Variants in AVPR1A observed in about 807,000 individuals in gnomAD.
AVPR1A encodes the protein vasopressin V1a receptor.
A neutral mutation model predicts 31.5 loss-of-function variants in AVPR1A; 31 were observed. The observed-to-expected ratio is 0.99, with a 90% confidence interval of 0.74 to 1.33. The LOEUF (loss-of-function observed/expected upper bound fraction) is 1.33, where lower values mean the gene tolerates loss of function less well. AVPR1A is among the 40% of genes most tolerant of loss of function. The pLI, the probability that AVPR1A is intolerant of heterozygous loss-of-function variation, is 0.00. For missense variants in AVPR1A, 570 were observed against 575.2 expected (o/e 0.99, Z 0.09); for synonymous variants, 243 against 233.2 (o/e 1.04, Z -0.38).
At position 63,145,037 on chromosome 12, in the gene AVPR1A, A is replaced by G. The variant is rs952966186; in HGVS notation, c.*2322T>C. On this transcript the variant is annotated 3_prime_UTR_variant, in exon 2 of 2. Transcript: ENST00000299178. ...AATGGGTTCATCTTAGTTCCAAACC[A>G]AAAAGCTTTAGTTTTTGAACTATCA... The G allele has an allele frequency of 6.4e-6, 1 of 156,534 alleles. No homozygotes were observed. Among genetic ancestry groups the G allele is most frequent in the Non-Finnish European group, 1.4e-5 (1 of 70,708 alleles). The allele number at this position is 156,534 out of a possible 1,614,324, so 9.7% of individuals were successfully genotyped here.
rs151327743 is a variant in AVPR1A at position 63,147,635 on chromosome 12, G to C, written c.981C>G (p.Asn327Lys). ...GTAATGCAGTGATGGTGATGGTAGGGTTTTCCGATTCTGCATGAAAAATAT... is the reference window on the plus strand; with the variant it reads ...GTAATGCAGTGATGGTGATGGTAGGCTTTTCCGATTCTGCATGAAAAATAT... ...DPMSVWTESE[N>K]PTITITALLG... Residue 327 changes from asparagine to lysine, a missense_variant, in exon 2 of 2, where the codon AAC becomes AAG. Physicochemically the swap from Asn to Lys is moderately conservative, Grantham distance 94. Coordinates refer to ENST00000299178, the MANE Select transcript of AVPR1A (RefSeq NM_000706.5). The C allele has an allele frequency of 9.9e-6, 16 of 1,609,890 alleles. No homozygotes were observed. The highest frequency in any genetic ancestry group is 1.7e-5 in the Admixed American group (1 of 59,878).
rs546786206 is a variant in AVPR1A, at chr12:63,150,170, C to A, written c.667G>T (p.Gly223Cys). The A allele has an allele frequency of 1.2e-6, 2 of 1,613,976 alleles. No individual in the cohort carries two copies. The highest frequency in any genetic ancestry group is 2.7e-5 in the African/African-American group (2 of 75,058). ...ATGACCACGGGCGCCACAAAGATGC[C>A]GCCCGTCATCCAGGTCACGTAGGCA... The part of the protein sequence containing the change: ...SRAYVTWMTG[G>C]IFVAPVVILG... Residue 223 changes from glycine to cysteine, a missense_variant, in exon 1 of 2, where the codon GGC becomes TGC. Physicochemically the swap from Gly to Cys is radical, Grantham distance 159. Transcript: ENST00000299178. The surrounding 1 kb of genome is among the most constrained non-coding windows in gnomAD (Gnocchi z 4.9).
At position 63,150,678 on chromosome 12, in the gene AVPR1A, C is replaced by A. The variant is rs918328362; in HGVS notation, c.159G>T (p.Leu53=). The part of the protein sequence containing the change: ...RDVRNEELAK[L]EIAVLAVTFA... ...AAGTCACCGCCAGCACGGCGATCTC[C>A]AGTTTGGCCAGCTCCTCGTTGCGCA... The change falls in exon 1 of 2, where the codon CTG becomes CTT. Residue 53 remains leucine, a synonymous_variant. Transcript: ENST00000299178. The surrounding 1 kb of genome is among the most constrained non-coding windows in gnomAD (Gnocchi z 4.9). 4.4e-5 allele frequency: 71 copies of A among 1,608,252 alleles called. No individual in the cohort carries two copies. Among genetic ancestry groups the A allele is most frequent in the Non-Finnish European group, 5.8e-5 (68 of 1,179,866 alleles).
Position 63,147,427 on chromosome 12 carries a change from T to C in AVPR1A, c.1189A>G (p.Ser397Gly), listed in dbSNP as rs1430326572. The C allele has an allele frequency of 1.2e-6, 2 of 1,614,024 alleles. No individual in the cohort carries two copies. Among genetic ancestry groups the C allele is most frequent in the Middle Eastern group, 1.6e-4 (1 of 6,084 alleles). Residue 397 changes from serine to glycine, a missense_variant, in exon 2 of 2, where the codon AGT becomes GGT. By Grantham distance (56) the Ser-to-Gly change is moderately conservative. Transcript: ENST00000299178. ...GGCGAGTCCTTCCACATACCCGTAC[T>C]GTTTGTTGGGCTTCGATTGTTAGAA... Reference protein sequence around the residue: ...FYSNNRSPTNSTGMWKDSPKS... With the variant: ...FYSNNRSPTNGTGMWKDSPKS...
chr12:63,143,818 G>T lies in AVPR1A; in HGVS notation c.*3541C>A, dbSNP rs112553967. The T allele has an allele frequency of 6.6e-6, 1 of 152,112 alleles. No individual in the cohort carries two copies. 9.4% of individuals were successfully genotyped at this position (152,112 alleles called of 1,614,324 possible). A position where few individuals can be genotyped will look rare whatever the true frequency, so the allele number is the denominator to read the frequency against. On this transcript the variant is annotated 3_prime_UTR_variant, in exon 2 of 2. Transcript: ENST00000299178. Reference sequence around the variant, plus strand: ...TAACCATAAGGCTCCAATTAACATGGGTTTGTCTAACCTCTGATATTTGGG... The same window carrying T: ...TAACCATAAGGCTCCAATTAACATGTGTTTGTCTAACCTCTGATATTTGGG...
rs35843930 is a variant in AVPR1A, at chr12:63,145,623, C to CA, written c.*1735dup. On this transcript the variant is annotated 3_prime_UTR_variant, in exon 2 of 2. Transcript: ENST00000299178. ...CTGGCAAAAGAGCAAGACTCTGTTT[C>CA]AAAAAAAAAAAAAGCAACTATTACT... The CA allele has an allele frequency of 0.045, 5,956 of 132,558 alleles. 111 individuals carry two copies. Among genetic ancestry groups the CA allele is most frequent in the African/African-American group, 0.063 (2,118 of 33,810 alleles). The allele number at this position is 132,558 out of a possible 1,614,324, so 8.2% of individuals were successfully genotyped here.
rs565520777 is a variant in AVPR1A at position 63,145,171 on chromosome 12, C to T, written c.*2188G>A. 6.8e-6 allele frequency: 2 copies of T among 295,926 alleles called. No homozygotes were observed. Among genetic ancestry groups the T allele is most frequent in the East Asian group, 8.3e-5 (1 of 12,022 alleles). 18.3% of individuals were successfully genotyped at this position (295,926 alleles called of 1,614,324 possible). ...AGTTATGGCTTATATTGGACAGTAC[C>T]CTTTAAGAGACATATTTGTTATTTT... is the stretch of plus-strand genomic sequence containing the variant. On this transcript the variant is annotated 3_prime_UTR_variant, in exon 2 of 2. Coordinates refer to ENST00000299178, the MANE Select transcript of AVPR1A (RefSeq NM_000706.5).
chr12:63,147,062 C>T lies in AVPR1A; in HGVS notation c.*297G>A. On this transcript the variant is annotated 3_prime_UTR_variant, in exon 2 of 2. Transcript: ENST00000299178. ...TAGAAATGAAAATAAAAGAAACTAA[C>T]AACAAAATATAAAGCTAGGGTGGTT... is the stretch of plus-strand genomic sequence containing the variant. The T allele has an allele frequency of 3.4e-6, 1 of 294,624 alleles. No homozygotes were observed. The highest frequency in any genetic ancestry group is 6.3e-6 in the Non-Finnish European group (1 of 158,264). The allele number at this position is 294,624 out of a possible 1,614,324, so 18.3% of individuals were successfully genotyped here. A position where few individuals can be genotyped will look rare whatever the true frequency, so the allele number is the denominator to read the frequency against.
In AVPR1A at chr12:63,147,619, T is replaced by C. The variant is rs962466503; in HGVS notation, c.997A>G (p.Thr333Ala). 1.2e-6 allele frequency: 2 copies of C among 1,613,400 alleles called. No homozygotes were observed. Among genetic ancestry groups the C allele is most frequent in the East Asian group, 2.2e-5 (1 of 44,860 alleles). Residue 333 changes from threonine (T) to alanine (A), a missense_variant, in exon 2 of 2, where the codon ACT (threonine) becomes GCT (alanine). Thr to Ala is a moderately conservative substitution (Grantham distance 58). Transcript: ENST00000299178. ...CTATTCAAGGAACCCAGTAATGCAGTGATGGTGATGGTAGGGTTTTCCGAT... is the reference window on the plus strand; with the variant it reads ...CTATTCAAGGAACCCAGTAATGCAGCGATGGTGATGGTAGGGTTTTCCGAT... ...TESENPTITI[T>A]ALLGSLNSCC...
Position 63,147,022 on chromosome 12 carries a change from A to G in AVPR1A, c.*337T>C, listed in dbSNP as rs921235338. 2 of 221,422 alleles carry G rather than the reference A, an allele frequency of 9.0e-6. No individual in the cohort carries two copies. Among genetic ancestry groups the G allele is most frequent in the Non-Finnish European group, 1.8e-5 (2 of 111,292 alleles). The allele number at this position is 221,422 out of a possible 1,614,324, so 13.7% of individuals were successfully genotyped here. ...ATTTTATGTGACTTTTAAACCAATC[A>G]AGTCTTACTTATGTTAGAAATGAAA... On this transcript the variant is annotated 3_prime_UTR_variant, in exon 2 of 2. Transcript: ENST00000299178.
At position 63,143,600 on chromosome 12, in the gene AVPR1A, A is replaced by G. The variant is rs188499532; in HGVS notation, c.*3759T>C. ...GGCTGAGGTCCAATTCTAACGGAGAATCATTCTCTAATACTTACTGTCCTA... is the reference window on the plus strand; with the variant it reads ...GGCTGAGGTCCAATTCTAACGGAGAGTCATTCTCTAATACTTACTGTCCTA... On this transcript the variant is annotated 3_prime_UTR_variant, in exon 2 of 2. Coordinates refer to ENST00000299178, the MANE Select transcript of AVPR1A (RefSeq NM_000706.5). 1 of 152,294 alleles carries G rather than the reference A, an allele frequency of 6.6e-6. No homozygotes were observed. The highest frequency in any genetic ancestry group is 1.9e-4 in the East Asian group (1 of 5,180). 9.4% of individuals were successfully genotyped at this position (152,294 alleles called of 1,614,324 possible).
At position 63,143,111 on chromosome 12, in the gene AVPR1A, A is replaced by G. The variant is rs1461987942; in HGVS notation, c.*4248T>C. 1 of 152,090 alleles carries G rather than the reference A, an allele frequency of 6.6e-6. No homozygotes were observed. Among genetic ancestry groups the G allele is most frequent in the Admixed American group, 6.5e-5 (1 of 15,274 alleles). 9.4% of individuals were successfully genotyped at this position (152,090 alleles called of 1,614,324 possible). On this transcript the variant is annotated 3_prime_UTR_variant, in exon 2 of 2. Transcript: ENST00000299178. Reference sequence around the variant, plus strand: ...TCAAGTCAGAAATCCTGTAGTATGAAGACATACCTTCATATGTGAAAATAT... The same window carrying G: ...TCAAGTCAGAAATCCTGTAGTATGAGGACATACCTTCATATGTGAAAATAT...
intron 1 of AVPR1A, among the ~76,000 whole-genome samples, chr12:63,148,898 G>A (rs1039441148): frequency 1.3e-5 from 2 of 152,018 alleles, no homozygotes; most frequent in Admixed American, 1.3e-4. Context: ...GGTAACAACT[G>A]TACCATTGAA....
rs759692282 is a variant in AVPR1A, at chr12:63,150,214, A to G, written c.623T>C (p.Ile208Thr). The change falls in exon 1 of 2, where the codon ATC (isoleucine) becomes ACC (threonine). Residue 208 changes from isoleucine (I) to threonine (T), a missense_variant. By Grantham distance (89) the Ile-to-Thr change is moderately conservative. Transcript: ENST00000299178. The surrounding 1 kb of genome is among the most constrained non-coding windows in gnomAD (Gnocchi z 4.9). ...TKARDCWATF[I>T]QPWGSRAYVT... is the part of the protein sequence containing the mutation. ...GTAGGCACGAGAACCCCAGGGCTGG[A>G]TGAAGGTGGCCCAGCAGTCGCGGGC... is the stretch of plus-strand genomic sequence containing the variant. 3.2e-5 allele frequency: 51 copies of G among 1,613,786 alleles called. No individual in the cohort carries two copies. Among genetic ancestry groups the G allele is most frequent in the Non-Finnish European group, 4.2e-5 (49 of 1,180,034 alleles).
rs192411187 is a variant in AVPR1A at position 63,147,345 on chromosome 12, C to T, written c.*14G>A. 1,785 of 1,606,618 alleles carry T rather than the reference C, an allele frequency of 1.1e-3. 19 individuals are homozygous for T. In the African/African-American group the frequency reaches 0.021, roughly 19 times the overall value. ...AAAGTCAATCACAAGAATCAAGTTG[C>T]ATGAATGCAAGGCTCAAGTTGAAAC... On this transcript the variant is annotated 3_prime_UTR_variant, in exon 2 of 2. Transcript: ENST00000299178.
chr12:63,149,769 TTTTCTCTCTCTCTC>T lies in AVPR1A; in HGVS notation c.970+84_970+97del. On this transcript the variant is annotated intron_variant, in intron 1 of 1. Coordinates refer to ENST00000299178, the MANE Select transcript of AVPR1A (RefSeq NM_000706.5). ...GAAGAAAATTGCTAGATTCTCATTT[TTTTCTCTCTCTCTC>T]TCTCTCTCTCTCTCTCACACACACA... The T allele has an allele frequency of 2.4e-6, 3 of 1,242,736 alleles. No individual in the cohort carries two copies. The South Asian group carries it at 4.8e-5, about 20-fold the overall frequency. The allele number at this position is 1,242,736 out of a possible 1,614,324, so 77.0% of individuals were successfully genotyped here.
In AVPR1A at chr12:63,144,367, T is replaced by A. The variant is rs1868342173; in HGVS notation, c.*2992A>T. On this transcript the variant is annotated 3_prime_UTR_variant, in exon 2 of 2. Coordinates refer to ENST00000299178, the MANE Select transcript of AVPR1A (RefSeq NM_000706.5). The stretch of plus-strand genomic sequence containing the variant: ...ATTTACCATCATCAGTTAATATTCA[T>A]CAAATGCCCAACTGATTAGTTTCTC... The A allele has an allele frequency of 6.6e-6, 1 of 152,330 alleles. No individual in the cohort carries two copies. Among genetic ancestry groups the A allele is most frequent in the Non-Finnish European group, 1.5e-5 (1 of 68,026 alleles). 9.4% of individuals were successfully genotyped at this position (152,330 alleles called of 1,614,324 possible). A position where few individuals can be genotyped will look rare whatever the true frequency, so the allele number is the denominator to read the frequency against.
chr12:63,150,350 GCTGTTGCAGAGT>G lies in AVPR1A; in HGVS notation c.475_486del (p.Thr159_Gln162del). 3.1e-6 allele frequency: 5 copies of G among 1,613,906 alleles called. No homozygotes were observed. Among genetic ancestry groups the G allele is most frequent in the Non-Finnish European group, 4.2e-6 (5 of 1,180,004 alleles). On this transcript the variant is annotated inframe_deletion, in exon 1 of 2. Coordinates refer to ENST00000299178, the MANE Select transcript of AVPR1A (RefSeq NM_000706.5). This position sits in a 1 kb window ranked among gnomAD's most constrained non-coding sequence, Gnocchi z 4.9. ...ATCATGAGGCGCGAGCGGCGCGCGGGCTGTTGCAGAGTCTTGAGCGGGTGGCACACCGCGATG... is the reference window on the plus strand; with the variant it reads ...ATCATGAGGCGCGAGCGGCGCGCGGGCTTGAGCGGGTGGCACACCGCGATG...
Position 63,150,963 on chromosome 12 carries a change from C to A in AVPR1A, c.-127G>T. 2.2e-6 allele frequency: 3 copies of A among 1,365,800 alleles called. No individual in the cohort carries two copies. Among genetic ancestry groups the A allele is most frequent in the Non-Finnish European group, 2.9e-6 (3 of 1,037,782 alleles). 84.6% of individuals were successfully genotyped at this position (1,365,800 alleles called of 1,614,324 possible). On this transcript the variant is annotated 5_prime_UTR_variant, in exon 1 of 2. Coordinates refer to ENST00000299178, the MANE Select transcript of AVPR1A (RefSeq NM_000706.5). This position sits in a 1 kb window ranked among gnomAD's most constrained non-coding sequence, Gnocchi z 4.9. ...GGTCTTTGGCGCGCTCGCAGCTTGCCGGGCTCTGCGATCCCTCCAGTGGGC... is the reference window on the plus strand; with the variant it reads ...GGTCTTTGGCGCGCTCGCAGCTTGCAGGGCTCTGCGATCCCTCCAGTGGGC...
Sources: gnomAD v4.1 joint callset for allele counts (sites outside exome capture counted in the v4.1 genomes callset) on GRCh38, gnomAD v4.1.1 for gene constraint, Gnocchi (gnomAD v3.1) non-coding constraint, MANE v1.5 for transcripts, NCBI Gene and HGNC (gene_info 2026-07-23, HGNC 2026-07-21) for gene names.